The following CWC22 variants were observed in gnomAD, a reference collection of about 807,000 sequenced individuals.
CWC22 encodes the protein pre-mRNA-splicing factor CWC22 homolog.
In CWC22, 53 loss-of-function variants were observed where a neutral mutation model predicts 117.2. That is an observed-to-expected ratio of 0.45 (90% CI 0.36 to 0.57). The LOEUF is 0.57. Ranked by LOEUF, CWC22 falls within the 20% of genes least tolerant of loss-of-function variation. The pLI is 0.00. For missense variants in CWC22, 980 were observed against 1,068.8 expected (o/e 0.92, Z 1.16); for synonymous variants, 360 against 355.6 (o/e 1.01, Z -0.14).
Position 179,973,207 on chromosome 2 carries a change from T to C in CWC22, c.790A>G (p.Ile264Val), listed in dbSNP as rs1687075555. The C allele has an allele frequency of 1.2e-6, 2 of 1,600,948 alleles. No homozygotes were observed. Among genetic ancestry groups the C allele is most frequent in the South Asian group, 2.3e-5 (2 of 88,438 alleles). Residue 264 changes from isoleucine (I) to valine (V), a missense_variant, in exon 8 of 20, where the codon ATT becomes GTT. Coordinates refer to ENST00000410053, the MANE Select transcript of CWC22 (RefSeq NM_020943.3). ...TAATTACTTACCACATTTTGGTTAA[T>C]AAGATGCGCCACAAATTTTGAAGCA... Reference protein sequence around the residue: ...LTASKFVAHLINQNVAHEVLC... With the variant: ...LTASKFVAHLVNQNVAHEVLC...
chr2:179,958,633 T>A (rs1284561212), intron 14 of CWC22, among the ~76,000 whole-genome samples: 1 of 152,078 alleles, frequency 6.6e-6, no homozygotes, highest in Non-Finnish European at 1.5e-5. Flanking sequence ...TTTCTTCCAA[T>A]GTAGCCCAGA....
At chr2:179,977,646 C>T (rs1240602526) in intron 6 of CWC22, among the ~76,000 whole-genome samples, 2 of 152,074 alleles carry the variant, frequency 1.3e-5, no homozygotes, top group African/African-American at 2.4e-5. Flanking sequence ...ATCCATTCTA[C>T]AATATTTTGA....
intron 17 of CWC22, 146 bp downstream of exon 17, chr2:179,952,325 A>G (rs771191400): frequency 2.1e-6 from 1 of 475,704 alleles, no homozygotes; most frequent in Non-Finnish European, 3.5e-6. Context: ...TGTGTGACAT[A>G]ACATGAAATT....
rs1242303162 is a variant in CWC22 at position 179,970,433 on chromosome 2, A to G, written c.1210+68T>C. ...TGGGGATCTCTAAATATTTGCTATC[A>G]GTATTACGTAACTACTTAAATTGCT... On this transcript the variant is annotated intron_variant, in intron 11 of 19. Coordinates refer to ENST00000410053, the MANE Select transcript of CWC22 (RefSeq NM_020943.3). 4 of 1,327,392 alleles carry G rather than the reference A, an allele frequency of 3.0e-6. No individual in the cohort carries two copies. The African/African-American group carries it at 4.5e-5, about 15-fold the overall frequency. 82.2% of individuals were successfully genotyped at this position (1,327,392 alleles called of 1,614,324 possible). A position where few individuals can be genotyped will look rare whatever the true frequency, so the allele number is the denominator to read the frequency against.
chr2:179,962,816 CCATA>C (rs1686788323), intron 13 of CWC22, among the ~76,000 whole-genome samples: 2 of 151,718 alleles, frequency 1.3e-5, no homozygotes. Flanking sequence ...AATGTTGTTA[CCATA>C]AAGAAATGAT....
At chr2:179,950,770 G>A (rs1686426572) in intron 18 of CWC22, 38 bp from the exon 19 acceptor site, 1 of 1,598,312 alleles carries the variant, frequency 6.3e-7, no homozygotes, top group Non-Finnish European at 8.6e-7. Context: ...CTATTTCAAA[G>A]ACAATTATGA....
chr2:179,986,192 G>A (rs1305932472), intron 4 of CWC22, among the ~76,000 whole-genome samples: 1 of 152,098 alleles, frequency 6.6e-6, no homozygotes, highest in Non-Finnish European at 1.5e-5. Context: ...GGGTAACCAA[G>A]TTCTCTAAAG....
chr2:180,004,060 G>C (rs112305988), intron 1 of CWC22, among the ~76,000 whole-genome samples: 1 of 152,132 alleles, frequency 6.6e-6, no homozygotes. Context: ...CCCATGCTCA[G>C]ATAAACAGAA....
At chr2:179,982,614 C>T (rs1289522329) in intron 4 of CWC22, among the ~76,000 whole-genome samples, 2 of 152,136 alleles carry the variant, frequency 1.3e-5, no homozygotes, top group Non-Finnish European at 2.9e-5. Flanking sequence ...CTAATATTTT[C>T]ATTAGAAATC....
At position 179,945,226 on chromosome 2, in the gene CWC22, C is replaced by G. The variant is rs1001068433; in HGVS notation, c.2630G>C (p.Arg877Thr). ...GTATCTGCTAGATTTTTCCCATCGTCTCTCGGCACCATTTTGATATCTATC... is the reference window on the plus strand; with the variant it reads ...GTATCTGCTAGATTTTTCCCATCGTGTCTCGGCACCATTTTGATATCTATC... The part of the protein sequence containing the change: ...DEDRYQNGAE[R>T]RWEKSSRYSE... Residue 877 changes from arginine (R) to threonine (T), a missense_variant, in exon 20 of 20, where the codon AGA becomes ACA. This residue lies in a region of CWC22 where 306 missense variants were observed against 296.8 expected (regional missense o/e 1.03). Transcript: ENST00000410053. The G allele has an allele frequency of 2.5e-6, 4 of 1,613,702 alleles. No homozygotes were observed. The African/African-American group carries it at 5.3e-5, about 22-fold the overall frequency.
At chr2:179,962,881 G>A (rs1336951458) in intron 13 of CWC22, among the ~76,000 whole-genome samples, 1 of 151,912 alleles carries the variant, frequency 6.6e-6, no homozygotes, top group Non-Finnish European at 1.5e-5. Context: ...ATTATACAAT[G>A]TATAATCACC....
chr2:179,946,780 A>T (rs1575635242), intron 19 of CWC22, among the ~76,000 whole-genome samples: 1 of 152,180 alleles, frequency 6.6e-6, no homozygotes, highest in Non-Finnish European at 1.5e-5. Context: ...GCATGAACAT[A>T]TATTTCTCAA....
chr2:179,970,520 C>T lies in CWC22; in HGVS notation c.1191G>A (p.Lys397=), dbSNP rs1382544476. 3.3e-6 allele frequency: 5 copies of T among 1,537,666 alleles called. No individual in the cohort carries two copies. The highest frequency in any genetic ancestry group is 4.4e-6 in the Non-Finnish European group (5 of 1,136,322). ...MDPNFMENEE[K]YKAIKKEILD... ...ACATACCTTTCTTAATAGCTTTGTACTTCTCTTCATTCTCCATAAAATTAG... is the reference window on the plus strand; with the variant it reads ...ACATACCTTTCTTAATAGCTTTGTATTTCTCTTCATTCTCCATAAAATTAG... The change falls in exon 11 of 20, where the codon AAG becomes AAA. Residue 397 remains lysine (K), a synonymous_variant. Transcript: ENST00000410053.
chr2:179,956,030 A>G (rs1201202108), intron 14 of CWC22, among the ~76,000 whole-genome samples: 2 of 152,074 alleles, frequency 1.3e-5, no homozygotes, highest in Admixed American at 1.3e-4. Flanking sequence ...AAGCAAGCAT[A>G]TAAAAACGTG....
intron 15 of CWC22, among the ~76,000 whole-genome samples, 182 bp downstream of exon 15, chr2:179,954,775 C>CA (rs1559285436): frequency 6.6e-6 from 1 of 151,940 alleles, no homozygotes; most frequent in Non-Finnish European, 1.5e-5. Flanking sequence ...AAAGTTAAAG[C>CA]ACTGCAAAAA....
chr2:179,961,942 T>A (rs576563830), intron 13 of CWC22, among the ~76,000 whole-genome samples: 1 of 152,222 alleles, frequency 6.6e-6, no homozygotes, highest in South Asian at 2.1e-4. Flanking sequence ...ATTTACTGAA[T>A]TACTGTCTTC....
At chr2:179,972,539 C>G (rs555087722) in intron 8 of CWC22, among the ~76,000 whole-genome samples, 122 of 152,192 alleles carry the variant, frequency 8.0e-4, no homozygotes, top group Admixed American at 1.6e-3. Context: ...ATTAGATTCT[C>G]ATGAACAGCA....
At chr2:179,947,965 A>G in intron 19 of CWC22, among the ~76,000 whole-genome samples, 1 of 152,248 alleles carries the variant, frequency 6.6e-6, no homozygotes, top group East Asian at 1.9e-4. Context: ...GAAAGAAAGC[A>G]GAGCTGACCT....
intron 19 of CWC22, among the ~76,000 whole-genome samples, chr2:179,946,221 G>A (rs1389522102): frequency 1.3e-5 from 2 of 151,936 alleles, no homozygotes; most frequent in Non-Finnish European, 2.9e-5. Flanking sequence ...AGGGGGTGGG[G>A]GACAGATTGC....
Sources: gnomAD v4.1 joint callset for allele counts (sites outside exome capture counted in the v4.1 genomes callset) on GRCh38, gnomAD v4.1.1 for gene constraint, gnomAD v4.1.1 regional missense constraint, MANE v1.5 for transcripts, NCBI Gene and HGNC (gene_info 2026-07-23, HGNC 2026-07-21) for gene names.